The following SUGCT variants were observed in gnomAD, a reference collection of about 807,000 sequenced individuals.
SUGCT encodes the protein succinyl-CoA:glutarate-CoA transferase.
Under a neutral mutation model 55.0 loss-of-function variants are expected in SUGCT, and 41 were observed. The observed-to-expected ratio is 0.74, with a 90% confidence interval of 0.58 to 0.97. The LOEUF (loss-of-function observed/expected upper bound fraction) is 0.97, where lower values mean the gene tolerates loss of function less well. Among genes scored for constraint, SUGCT ranks in the 50% least tolerant of loss-of-function variants. The pLI is 0.00. For missense variants in SUGCT, 568 were observed against 547.8 expected, an observed-to-expected ratio of 1.04 and a Z score of -0.37; for synonymous variants, 187 against 200.4, an observed-to-expected ratio of 0.93 and a Z score of 0.56.
At chr7:40,316,926 AT>A (rs1379589334) in intron 9 of SUGCT, 71 bp downstream of exon 9, 6 of 324,726 alleles carry the variant, frequency 1.8e-5, no homozygotes, top group Non-Finnish European at 3.3e-5. Flanking sequence ...TTGGAAAATG[AT>A]TTCTTTTTAT....
At chr7:40,995,603 GC>G in the SUGCT span, among the ~76,000 whole-genome samples, 4 of 151,722 alleles carry the variant, frequency 2.6e-5, no homozygotes, top group East Asian at 3.9e-4. Context: ...AGGTTCTTCA[GC>G]TTTTTTTTTC....
intron 8 of SUGCT, among the ~76,000 whole-genome samples, chr7:40,282,663 A>T (rs1187759665): frequency 1.3e-5 from 2 of 152,004 alleles, no homozygotes; most frequent in African/African-American, 2.4e-5. Flanking sequence ...TGAGGCCAGG[A>T]GTTTGGGACC....
At chr7:40,541,396 C>T (rs1794671187) in intron 12 of SUGCT, among the ~76,000 whole-genome samples, 1 of 152,198 alleles carries the variant, frequency 6.6e-6, no homozygotes, top group Admixed American at 6.5e-5. Context: ...ATTCCTGTGA[C>T]CCTGCAATTC....
intron 12 of SUGCT, among the ~76,000 whole-genome samples, chr7:40,573,856 T>C (rs907604416): frequency 6.6e-6 from 1 of 152,234 alleles, no homozygotes; most frequent in Admixed American, 6.5e-5. Context: ...CTTTCCTCTA[T>C]AGCACACAAT....
chr7:40,786,934 C>T (rs1790044133), intron 13 of SUGCT, among the ~76,000 whole-genome samples: 1 of 152,192 alleles, frequency 6.6e-6, no homozygotes, highest in Non-Finnish European at 1.5e-5. Flanking sequence ...TACCAGTGCA[C>T]ACAAGCTTAA....
At chr7:40,918,191 G>A in the SUGCT span, among the ~76,000 whole-genome samples, 2 of 152,074 alleles carry the variant, frequency 1.3e-5, no homozygotes, top group African/African-American at 2.4e-5. Flanking sequence ...GGCCAGTCGC[G>A]GTGGTTCACA....
the SUGCT span, among the ~76,000 whole-genome samples, chr7:40,932,842 G>T: frequency 6.6e-6 from 1 of 151,112 alleles, no homozygotes; most frequent in Admixed American, 6.6e-5. Context: ...ACATGAGATG[G>T]GTCTCCTCAA....
At chr7:40,443,421 G>C (rs1562780936) in intron 9 of SUGCT, among the ~76,000 whole-genome samples, 1 of 152,144 alleles carries the variant, frequency 6.6e-6, no homozygotes, top group Admixed American at 6.5e-5. Flanking sequence ...CATTCTAACT[G>C]GTGTGAGATG....
chr7:40,488,020 C>CT (rs550811287), intron 11 of SUGCT, among the ~76,000 whole-genome samples: 9,990 of 144,114 alleles, frequency 0.069, 1,074 homozygotes, highest in African/African-American at 0.23. Context: ...CTACTCTGCT[C>CT]TTTTTTTTTT....
intron 9 of SUGCT, among the ~76,000 whole-genome samples, chr7:40,395,679 A>G (rs767671297): frequency 7.9e-5 from 12 of 152,064 alleles, no homozygotes; most frequent in Admixed American, 7.9e-4. Context: ...TGGGAGCCTC[A>G]TCATTTCTTC....
chr7:40,964,802 G>A, the SUGCT span: 12 of 152,308 alleles, frequency 7.9e-5, no homozygotes, highest in African/African-American at 2.6e-4. Context: ...CTGCTCACCT[G>A]TTAAATTGGT....
the SUGCT span, among the ~76,000 whole-genome samples, chr7:40,885,696 C>T: frequency 8.5e-5 from 13 of 152,136 alleles, no homozygotes; most frequent in Non-Finnish European, 1.3e-4. Flanking sequence ...TTTGATGACC[C>T]CTGACGTCTT....
chr7:40,747,682 G>A (rs1787800810), intron 12 of SUGCT, among the ~76,000 whole-genome samples: 1 of 152,164 alleles, frequency 6.6e-6, no homozygotes, highest in South Asian at 2.1e-4. Flanking sequence ...GATAGTGTAG[G>A]TGAAACACAA....
chr7:40,802,755 GC>G (rs767712360), intron 13 of SUGCT, among the ~76,000 whole-genome samples: 1 of 152,176 alleles, frequency 6.6e-6, no homozygotes, highest in Non-Finnish European at 1.5e-5. Context: ...TCTATAGATA[GC>G]TGGTAGAAAT....
At chr7:40,331,191 A>C (rs1796292780) in intron 9 of SUGCT, among the ~76,000 whole-genome samples, 1 of 152,236 alleles carries the variant, frequency 6.6e-6, no homozygotes, top group Admixed American at 6.5e-5. Context: ...GCTTGATTTA[A>C]ATCATGGAAA....
chr7:40,716,345 A>G (rs1318243918), intron 12 of SUGCT, among the ~76,000 whole-genome samples: 2 of 152,232 alleles, frequency 1.3e-5, no homozygotes, highest in Non-Finnish European at 2.9e-5. Context: ...AGCAGTAATA[A>G]GTCAGGGAGC....
At chr7:40,796,919 G>A (rs991685296) in intron 13 of SUGCT, among the ~76,000 whole-genome samples, 1 of 152,198 alleles carries the variant, frequency 6.6e-6, no homozygotes, top group Non-Finnish European at 1.5e-5. Context: ...ATGAGACAAG[G>A]CAGGTCCCTG....
chr7:40,923,659 G>A, the SUGCT span, among the ~76,000 whole-genome samples: 2,104 of 152,252 alleles, frequency 0.014, 50 homozygotes, highest in African/African-American at 0.048. Flanking sequence ...AGATTCCCCA[G>A]GCCTGCAATT....
At chr7:40,338,491 A>T (rs571858905) in intron 9 of SUGCT, among the ~76,000 whole-genome samples, 7 of 152,070 alleles carry the variant, frequency 4.6e-5, no homozygotes, top group African/African-American at 1.4e-4. Flanking sequence ...ACTTCATTTC[A>T]TTCATTTGAT....
Sources: gnomAD v4.1 joint callset for allele counts (sites outside exome capture counted in the v4.1 genomes callset) on GRCh38, gnomAD v4.1.1 for gene constraint, MANE v1.5 for transcripts, NCBI Gene and HGNC (gene_info 2026-07-23, HGNC 2026-07-21) for gene names.